Variants in KYNU observed in about 807,000 individuals in gnomAD.
KYNU encodes L-kynurenine hydrolase.
In KYNU, 54 loss-of-function variants were observed where a neutral mutation model predicts 59.2. The ratio of observed to expected loss-of-function variants is 0.91; its 90% CI spans 0.73 to 1.14. The LOEUF (loss-of-function observed/expected upper bound fraction) is 1.14. KYNU is among the 50% of genes most tolerant of loss of function. The probability of loss-of-function intolerance (pLI) is 0.00; values close to 1 mark genes in which losing one functional copy is unlikely to be tolerated. For missense variants in KYNU, 567 were observed against 554.4 expected, an observed-to-expected ratio of 1.02 and a Z score of -0.23; for synonymous variants, 177 against 192.0, an observed-to-expected ratio of 0.92 and a Z score of 0.65.
Position 143,044,343 on chromosome 2 carries a change from A to G in KYNU, c.*2171A>G, listed in dbSNP as rs1232088441. On this transcript the variant is annotated 3_prime_UTR_variant, in exon 14 of 14. Transcript: ENST00000264170. ...TAGAATGATTTATAATCCTTAGGGT[A>G]TACCCAGTAATGGGATTGCTGGGTT... The G allele has an allele frequency of 3.3e-5, 5 of 152,208 alleles. No homozygotes were observed. The highest frequency in any genetic ancestry group is 1.2e-4 in the African/African-American group (5 of 41,456). The allele number at this position is 152,208 out of a possible 1,614,324, so 9.4% of individuals were successfully genotyped here. A position where few individuals can be genotyped will look rare whatever the true frequency, so the allele number is the denominator to read the frequency against.
intron 4 of KYNU, among the ~76,000 whole-genome samples, chr2:142,952,443 T>C (rs1020379597): frequency 6.6e-6 from 1 of 152,142 alleles, no homozygotes; most frequent in African/African-American, 2.4e-5. Context: ...TTCTTTGTTT[T>C]TGTTTTTGCT....
intron 2 of KYNU, among the ~76,000 whole-genome samples, chr2:142,891,943 C>T (rs904549017): frequency 1.3e-5 from 2 of 151,170 alleles, no homozygotes; most frequent in African/African-American, 2.4e-5. Flanking sequence ...GATGGGGTCT[C>T]ACTCTGTCAC....
chr2:143,007,885 C>T lies in KYNU; in HGVS notation c.903-21742C>T, dbSNP rs1398541473. Among the ~76,000 whole-genome samples, 791 of 113,730 alleles carry T rather than the reference C, an allele frequency of 7.0e-3. 116 individuals carry two copies. The highest frequency in any genetic ancestry group is 0.03 in the African/African-American group (751 of 24,836). 74.6% of individuals were successfully genotyped at this position (113,730 alleles called of 152,430 possible). On this transcript the variant is annotated intron_variant, in intron 10 of 13. Coordinates refer to ENST00000264170, the MANE Select transcript of KYNU (RefSeq NM_003937.3). ...GAGATTTTGTCACCACCAGGCCTGC[C>T]CTAAAAGAGCTCCTGAAGGAAGCGC... is the stretch of plus-strand genomic sequence containing the variant.
Position 143,047,943 on chromosome 2 carries a change from C to T in KYNU, c.*5771C>T, listed in dbSNP as rs1158008980. 1 of 146,646 alleles carries T rather than the reference C, an allele frequency of 6.8e-6. No individual in the cohort carries two copies. The allele number at this position is 146,646 out of a possible 1,614,324, so 9.1% of individuals were successfully genotyped here. On this transcript the variant is annotated 3_prime_UTR_variant, in exon 14 of 14. Transcript: ENST00000264170. ...GCACGATCTCAGCTCACTGCGGGTT[C>T]AAGCAATTTTCATGCCTCAGCCTCC... is the stretch of plus-strand genomic sequence containing the variant.
intron 4 of KYNU, among the ~76,000 whole-genome samples, chr2:142,936,211 G>A (rs534154896): frequency 1.1e-4 from 16 of 152,256 alleles, no homozygotes; most frequent in African/African-American, 3.9e-4. Context: ...TGCAAAAAAC[G>A]CCTGGACATA....
rs1684315618 is a variant in KYNU, at chr2:142,960,738, A to G, written c.697A>G (p.Ile233Val). The G allele has an allele frequency of 3.1e-6, 5 of 1,614,080 alleles. No individual in the cohort carries two copies. The highest frequency in any genetic ancestry group is 4.2e-6 in the Non-Finnish European group (5 of 1,180,000). ...VHFYTGQHFN[I>V]PAITKAGQAK... is the part of the protein sequence containing the mutation. The stretch of plus-strand genomic sequence containing the variant: ...TTTTTACACTGGACAGCACTTTAAT[A>G]TTCCTGCCATCACAAAAGCTGGACA... The change falls in exon 8 of 14, where the codon ATT (isoleucine) becomes GTT (valine). Residue 233 changes from isoleucine to valine, a missense_variant. Coordinates refer to ENST00000264170, the MANE Select transcript of KYNU (RefSeq NM_003937.3).
chr2:143,002,683 G>A (rs764901516), intron 10 of KYNU, among the ~76,000 whole-genome samples: 1 of 152,028 alleles, frequency 6.6e-6, no homozygotes, highest in East Asian at 1.9e-4. Context: ...TTTTTGTTTT[G>A]ATCCCATTGA....
intron 12 of KYNU, among the ~76,000 whole-genome samples, chr2:143,037,991 A>G (rs375907857): frequency 6.6e-6 from 1 of 152,170 alleles, no homozygotes; most frequent in African/African-American, 2.4e-5. Context: ...AACATTCCAC[A>G]GTATATTAAG....
intron 8 of KYNU, among the ~76,000 whole-genome samples, chr2:142,966,821 T>C (rs1684555531): frequency 6.6e-6 from 1 of 152,122 alleles, no homozygotes; most frequent in Non-Finnish European, 1.5e-5. Flanking sequence ...AAGCACTCAA[T>C]AAATGTTAGC....
intron 10 of KYNU, among the ~76,000 whole-genome samples, chr2:143,028,542 A>C (rs62169927): frequency 0.79 from 116,600 of 147,656 alleles, 46,443 homozygotes; most frequent in Non-Finnish European, 0.85. Flanking sequence ...GTGCCTGGCC[A>C]ACATTCTTAT....
intron 1 of KYNU, among the ~76,000 whole-genome samples, chr2:142,883,849 AT>A (rs781354506): frequency 1.3e-5 from 2 of 152,198 alleles, no homozygotes; most frequent in African/African-American, 2.4e-5. Context: ...GTTGGCACTT[AT>A]GCACTCTCTC....
intron 10 of KYNU, among the ~76,000 whole-genome samples, chr2:142,997,915 C>T (rs970770567): frequency 6.6e-6 from 1 of 152,156 alleles, no homozygotes; most frequent in African/African-American, 2.4e-5. Flanking sequence ...ATCATATTCA[C>T]TAGATCCCCA....
intron 8 of KYNU, among the ~76,000 whole-genome samples, chr2:142,967,825 T>C (rs1684596752): frequency 6.6e-6 from 1 of 152,150 alleles, no homozygotes; most frequent in African/African-American, 2.4e-5. Context: ...TAGAATAATA[T>C]CTCTGTAATA....
At chr2:142,904,967 G>A (rs1558912158) in intron 2 of KYNU, among the ~76,000 whole-genome samples, 1 of 152,116 alleles carries the variant, frequency 6.6e-6, no homozygotes, top group South Asian at 2.1e-4. Flanking sequence ...TCCTAGAGCT[G>A]GGCTGAGTTC....
intron 3 of KYNU, among the ~76,000 whole-genome samples, chr2:142,926,026 A>C (rs758913673): frequency 3.3e-5 from 5 of 152,218 alleles, no homozygotes; most frequent in Non-Finnish European, 5.9e-5. Flanking sequence ...TAACTAACAC[A>C]GGAACAGAAA....
intron 10 of KYNU, among the ~76,000 whole-genome samples, chr2:143,006,816 G>T (rs1381354497): frequency 1.3e-5 from 2 of 151,682 alleles, no homozygotes; most frequent in Non-Finnish European, 2.9e-5. Context: ...CACACGGCAG[G>T]GTATTCCAAC....
chr2:142,918,518 T>G (rs1342011487), intron 2 of KYNU, 91 bp from the exon 3 acceptor site: 1 of 1,316,148 alleles, frequency 7.6e-7, no homozygotes, highest in Non-Finnish European at 1.0e-6. Context: ...TTCTTAGAGT[T>G]GATTGTATTA....
chr2:142,929,056 C>T (rs559395173), intron 4 of KYNU, among the ~76,000 whole-genome samples: 2 of 146,640 alleles, frequency 1.4e-5, no homozygotes, highest in South Asian at 4.5e-4. Flanking sequence ...CCTTCCTTAT[C>T]CTCATAGACT....
intron 8 of KYNU, among the ~76,000 whole-genome samples, chr2:142,984,849 T>C (rs181006175): frequency 9.9e-5 from 15 of 152,120 alleles, no homozygotes; most frequent in Admixed American, 9.2e-4. Context: ...TCAATGCAAG[T>C]GTCAATTCAG....
Sources: allele counts gnomAD v4.1 joint callset (sites outside exome capture counted in the v4.1 genomes callset), GRCh38; gene constraint gnomAD v4.1.1; transcripts MANE v1.5; gene names NCBI Gene and HGNC (gene_info 2026-07-23, HGNC 2026-07-21).